PPP2R5A: variants seen among roughly 807,000 people sequenced by gnomAD.
PPP2R5A encodes protein phosphatase 2 regulatory subunit B'alpha.
Under a neutral mutation model 64.2 loss-of-function variants are expected in PPP2R5A, and 25 were observed. The observed-to-expected ratio is 0.39, with a 90% CI of 0.28 to 0.54. PPP2R5A has a LOEUF of 0.54. Among genes scored for constraint, PPP2R5A ranks in the 20% least tolerant of loss-of-function variants. The pLI is 0.67. For synonymous variants in PPP2R5A, 198 were observed against 201.2 expected (o/e 0.98, Z 0.13); for missense variants, 425 against 576.3 (o/e 0.74, Z 2.69).
At chr1:212,349,319 A>G (rs1659835949) in intron 8 of PPP2R5A, 77 bp downstream of exon 8, 31 of 1,093,984 alleles carry the variant, frequency 2.8e-5, no homozygotes, top group Non-Finnish European at 4.0e-5. Flanking sequence ...TATAGCCTTT[A>G]TAGTTATTAA....
chr1:212,309,224 T>C, intron 1 of PPP2R5A: 1 of 1,430,106 alleles, frequency 7.0e-7, no homozygotes, highest in Non-Finnish European at 9.7e-7. Context: ...ACATCCACAA[T>C]GAACACAAGT....
At chr1:212,323,599 T>A (rs1659353304) in intron 1 of PPP2R5A, among the ~76,000 whole-genome samples, 1 of 152,182 alleles carries the variant, frequency 6.6e-6, no homozygotes, top group Admixed American at 6.5e-5. Flanking sequence ...ATGTGACCTA[T>A]CCCACCCAAG....
At chr1:212,325,390 G>A (rs887272406) in intron 1 of PPP2R5A, among the ~76,000 whole-genome samples, 1 of 152,126 alleles carries the variant, frequency 6.6e-6, no homozygotes, top group African/African-American at 2.4e-5. Flanking sequence ...TTTCAGGTAG[G>A]GAAAAGACTT....
In PPP2R5A at chr1:212,361,171, T is replaced by TA. The variant is rs1321627051; in HGVS notation, c.*402dup. Reference sequence around the variant, plus strand: ...TTTTCACACTGCTGCAAACCTTAGTTACATCCTAGGAAAAAATACTTCCTA... The same window carrying TA: ...TTTTCACACTGCTGCAAACCTTAGTTAACATCCTAGGAAAAAATACTTCCTA... On this transcript the variant is annotated 3_prime_UTR_variant, in exon 13 of 13. Coordinates refer to ENST00000261461, the MANE Select transcript of PPP2R5A (RefSeq NM_006243.4). 1 of 153,398 alleles carries TA rather than the reference T, an allele frequency of 6.5e-6. No individual in the cohort carries two copies. Among genetic ancestry groups the TA allele is most frequent in the Non-Finnish European group, 1.5e-5 (1 of 68,620 alleles). 9.5% of individuals were successfully genotyped at this position (153,398 alleles called of 1,614,324 possible).
intron 4 of PPP2R5A, among the ~76,000 whole-genome samples, chr1:212,342,744 T>A (rs1030919393): frequency 5.3e-5 from 8 of 152,144 alleles, no homozygotes; most frequent in Admixed American, 3.9e-4. Context: ...TACCTTTTCC[T>A]TTTTCTTTCC....
At chr1:212,299,386 C>G (rs543714902) in intron 1 of PPP2R5A, 1 of 152,326 alleles carries the variant, frequency 6.6e-6, no homozygotes, top group South Asian at 2.1e-4. Flanking sequence ...TGTAGATTAT[C>G]AAGAACTGAT....
chr1:212,352,540 C>T (rs1006116394), intron 8 of PPP2R5A, among the ~76,000 whole-genome samples: 11 of 151,966 alleles, frequency 7.2e-5, no homozygotes, highest in Non-Finnish European at 2.9e-5. Flanking sequence ...GCCCTGACCT[C>T]CCAGGCTCAG....
chr1:212,342,338 C>T lies in PPP2R5A; in HGVS notation c.573+58C>T. 1.9e-6 allele frequency: 3 copies of T among 1,559,906 alleles called. No homozygotes were observed. The South Asian group carries it at 3.6e-5, about 19-fold the overall frequency. On this transcript the variant is annotated intron_variant, in intron 4 of 12. Coordinates refer to ENST00000261461, the MANE Select transcript of PPP2R5A (RefSeq NM_006243.4). ...ATTCATCTTAGCAATGATTTATTAACTTATTATTAAAATAGTGTAGTCTTT... is the reference window on the plus strand; with the variant it reads ...ATTCATCTTAGCAATGATTTATTAATTTATTATTAAAATAGTGTAGTCTTT...
chr1:212,349,309 T>C, intron 8 of PPP2R5A, 67 bp downstream of exon 8: 1 of 1,161,290 alleles, frequency 8.6e-7, no homozygotes, highest in Non-Finnish European at 1.2e-6. Context: ...GCTTTCGTTT[T>C]ATAGCCTTTA....
chr1:212,297,096 C>G (rs1411690523), intron 1 of PPP2R5A, among the ~76,000 whole-genome samples: 6 of 82,646 alleles, frequency 7.3e-5, no homozygotes, highest in Admixed American at 1.6e-4. Context: ...TTTGCTTCTT[C>G]TTTTTTTTTT....
At chr1:212,291,739 A>G (rs1658605697) in intron 1 of PPP2R5A, among the ~76,000 whole-genome samples, 1 of 152,194 alleles carries the variant, frequency 6.6e-6, no homozygotes, top group Non-Finnish European at 1.5e-5. Context: ...AGATACTGCC[A>G]TTAGATTCTG....
intron 8 of PPP2R5A, among the ~76,000 whole-genome samples, chr1:212,349,822 A>C (rs1558154142): frequency 1.3e-5 from 2 of 152,238 alleles, no homozygotes. Context: ...GAGTGAAAAC[A>C]TAATTAGTTA....
Position 212,345,859 on chromosome 1 carries a change from T to TC in PPP2R5A, c.631dup (p.Leu211ProfsTer20). ...GAGAACGTGACTTCCTGAAGACTGT[T>TC]CTGCACCGAATTTATGGGAAATTTC... On this transcript the variant is annotated frameshift_variant, in exon 5 of 13. Coordinates refer to ENST00000261461, the MANE Select transcript of PPP2R5A (RefSeq NM_006243.4). LOFTEE classifies it high-confidence loss of function. The TC allele has an allele frequency of 6.2e-7, 1 of 1,612,794 alleles. No homozygotes were observed. The highest frequency in any genetic ancestry group is 1.1e-5 in the South Asian group (1 of 90,842).
At chr1:212,356,521 T>C in intron 8 of PPP2R5A, 105 bp from the exon 9 acceptor site, 1 of 1,046,192 alleles carries the variant, frequency 9.6e-7, no homozygotes, top group Non-Finnish European at 1.4e-6. Flanking sequence ...TAAGCAATAT[T>C]GATTTACTTC....
chr1:212,359,172 A>G (rs1228574142), intron 12 of PPP2R5A, among the ~76,000 whole-genome samples: 10 of 152,212 alleles, frequency 6.6e-5, no homozygotes, highest in Non-Finnish European at 4.4e-5. Flanking sequence ...TTAAATATCA[A>G]TTTGTACAAT....
rs1305693819 is a variant in PPP2R5A, at chr1:212,333,514, C to T, written c.396C>T (p.Phe132=). The T allele has an allele frequency of 1.3e-6, 2 of 1,594,610 alleles. No individual in the cohort carries two copies. The highest frequency in any genetic ancestry group is 4.5e-5 in the East Asian group (2 of 44,546). ...DIVKMISANI[F]RTLPPSDNPD... ...CTTTACAGATCAGTGCTAACATCTT[C>T]CGTACACTTCCTCCAAGTGATAATC... Residue 132 remains phenylalanine, a synonymous_variant, in exon 3 of 13, where the codon TTC becomes TTT. Coordinates refer to ENST00000261461, the MANE Select transcript of PPP2R5A (RefSeq NM_006243.4).
At position 212,360,926 on chromosome 1, in the gene PPP2R5A, C is replaced by T. The variant is rs909535976; in HGVS notation, c.*156C>T. Reference sequence around the variant, plus strand: ...GAAAAATATATGGACTAAACGTAGCCCTGTGCTGTATCATGGCCATAGTAT... The same window carrying T: ...GAAAAATATATGGACTAAACGTAGCTCTGTGCTGTATCATGGCCATAGTAT... On this transcript the variant is annotated 3_prime_UTR_variant, in exon 13 of 13. Transcript: ENST00000261461. 3.5e-6 allele frequency: 2 copies of T among 570,596 alleles called. No homozygotes were observed. Among genetic ancestry groups the T allele is most frequent in the Admixed American group, 4.2e-5 (1 of 23,596 alleles). The allele number at this position is 570,596 out of a possible 1,614,324, so 35.3% of individuals were successfully genotyped here. A position where few individuals can be genotyped will look rare whatever the true frequency, so the allele number is the denominator to read the frequency against.
chr1:212,287,322 G>A (rs2102408109), intron 1 of PPP2R5A, among the ~76,000 whole-genome samples: 2 of 152,270 alleles, frequency 1.3e-5, no homozygotes, highest in Middle Eastern at 3.4e-3. Flanking sequence ...GCAACCTGAC[G>A]GAAATCCCTA....
intron 1 of PPP2R5A, among the ~76,000 whole-genome samples, chr1:212,322,946 C>T (rs1156875018): frequency 2.6e-5 from 4 of 152,028 alleles, no homozygotes; most frequent in South Asian, 2.1e-4. Flanking sequence ...CCACCATGCC[C>T]GGCTAATTTT....
Sources: allele counts gnomAD v4.1 joint callset (sites outside exome capture counted in the v4.1 genomes callset), GRCh38; gene constraint gnomAD v4.1.1; transcripts MANE v1.5; gene names NCBI Gene and HGNC (gene_info 2026-07-23, HGNC 2026-07-21).